CEP162: variants seen among roughly 807,000 people sequenced by gnomAD.
The protein encoded by CEP162 is centrosomal protein 162.
CEP162 carries 141 observed loss-of-function variants against 169.2 expected under a neutral mutation model. The observed-to-expected ratio is 0.83, with a 90% CI of 0.73 to 0.96. The LOEUF (loss-of-function observed/expected upper bound fraction) is 0.96. Ranked by LOEUF, CEP162 falls within the 40% of genes least tolerant of loss-of-function variation. CEP162 has a pLI of 0.00. For synonymous variants in CEP162, 540 were observed against 526.4 expected, an observed-to-expected ratio of 1.03 and a Z score of -0.35; for missense variants, 1,600 against 1,587.2, an observed-to-expected ratio of 1.01 and a Z score of -0.14.
chr6:84,145,242 T>A (rs2099518321), intron 25 of CEP162, among the ~76,000 whole-genome samples: 1 of 152,126 alleles, frequency 6.6e-6, no homozygotes, highest in African/African-American at 2.4e-5. Flanking sequence ...TACCTGGATC[T>A]ATTGGTATTG....
chr6:84,210,095 C>T lies in CEP162; in HGVS notation c.571+2862G>A, dbSNP rs538193249. ...AATATCTAGACTCTTCCACATTGTT[C>T]GGAAAACAATCAGAATATTTACTTG... On this transcript the variant is annotated intron_variant, in intron 6 of 26. Coordinates refer to ENST00000403245, the MANE Select transcript of CEP162 (RefSeq NM_014895.4). Among the ~76,000 whole-genome samples, 24 of 152,262 alleles carry T rather than the reference C, an allele frequency of 1.6e-4. No individual in the cohort carries two copies. The South Asian group carries it at 4.6e-3, about 29-fold the overall frequency.
intron 25 of CEP162, among the ~76,000 whole-genome samples, chr6:84,140,004 A>G (rs940915617): frequency 6.7e-6 from 1 of 150,264 alleles, no homozygotes; most frequent in East Asian, 1.9e-4. Flanking sequence ...CCCAGTAAGA[A>G]AAAGAAAGGA....
chr6:84,158,914 A>G (rs1249358711), intron 21 of CEP162, among the ~76,000 whole-genome samples: 1 of 151,770 alleles, frequency 6.6e-6, no homozygotes, highest in African/African-American at 2.4e-5. Context: ...TCTGGTATAC[A>G]AAGTAAATTT....
chr6:84,160,767 A>G (rs775083992), intron 21 of CEP162, 45 bp downstream of exon 21: 3 of 1,193,886 alleles, frequency 2.5e-6, no homozygotes, highest in Non-Finnish European at 2.5e-6. Flanking sequence ...ACCAAAATGC[A>G]CTATATATAA....
At position 84,185,367 on chromosome 6, in the gene CEP162, G is replaced by A; in HGVS notation, c.1483C>T (p.Pro495Ser). 1 of 1,613,436 alleles carries A rather than the reference G, an allele frequency of 6.2e-7. No individual in the cohort carries two copies. The highest frequency in any genetic ancestry group is 1.1e-5 in the South Asian group (1 of 91,062). Residue 495 changes from proline (P) to serine (S), a missense_variant, in exon 13 of 27, where the codon CCT becomes TCT. Physicochemically the swap from Pro to Ser is moderately conservative, Grantham distance 74. Transcript: ENST00000403245. ...TGGGGTTTCCTTTTAAGTAAAGGAG[G>A]TGCACTTCTGGCCTTCTTGTATGGT... Reference protein sequence around the residue: ...QVPYKKARSAPPLLKRKPQSG... With the variant: ...QVPYKKARSASPLLKRKPQSG...
At chr6:84,158,741 TA>T (rs1000228453) in intron 21 of CEP162, among the ~76,000 whole-genome samples, 4 of 152,158 alleles carry the variant, frequency 2.6e-5, no homozygotes, top group African/African-American at 9.6e-5. Context: ...CTAGGTTTTA[TA>T]AATGTAACAT....
At chr6:84,213,569 A>C (rs894865536) in intron 5 of CEP162, among the ~76,000 whole-genome samples, 3 of 152,208 alleles carry the variant, frequency 2.0e-5, no homozygotes, top group African/African-American at 7.2e-5. Context: ...TCTCAAACCA[A>C]GAATCAGTTC....
At chr6:84,162,606 T>C (rs2099526243) in intron 19 of CEP162, among the ~76,000 whole-genome samples, 1 of 152,160 alleles carries the variant, frequency 6.6e-6, no homozygotes, top group Admixed American at 6.6e-5. Flanking sequence ...TTTTACTACC[T>C]GTCAAGGCCC....
At chr6:84,177,099 A>G (rs923508620) in intron 13 of CEP162, among the ~76,000 whole-genome samples, 5 of 152,182 alleles carry the variant, frequency 3.3e-5, no homozygotes, top group East Asian at 1.9e-4. Context: ...AGACATCTCA[A>G]TTCAGACTAG....
chr6:84,149,321 TTATTTA>T (rs2099520251), intron 24 of CEP162, among the ~76,000 whole-genome samples: 1 of 151,764 alleles, frequency 6.6e-6, no homozygotes, highest in Admixed American at 6.6e-5. Context: ...GTAAAAATAT[TTATTTA>T]TATGGTGTAG....
At chr6:84,133,178 T>C (rs781609901) in intron 25 of CEP162, among the ~76,000 whole-genome samples, 2 of 152,136 alleles carry the variant, frequency 1.3e-5, no homozygotes, top group African/African-American at 2.4e-5. Context: ...GAACAGCAAA[T>C]ATTGCAGAAC....
intron 5 of CEP162, among the ~76,000 whole-genome samples, chr6:84,214,172 G>A (rs1221273515): frequency 1.3e-5 from 2 of 152,128 alleles, no homozygotes; most frequent in Non-Finnish European, 2.9e-5. Flanking sequence ...CCAGCTACTC[G>A]GGAGGCTGAG....
intron 24 of CEP162, 74 bp downstream of exon 24, chr6:84,149,488 A>C (rs912653002): frequency 2.6e-6 from 3 of 1,169,796 alleles, no homozygotes; most frequent in Admixed American, 2.9e-5. Flanking sequence ...CAAATAAAAC[A>C]ATGTTAACTT....
At chr6:84,221,206 C>T (rs1466174182) in intron 2 of CEP162, 35 bp from the exon 3 acceptor site, 3 of 1,028,204 alleles carry the variant, frequency 2.9e-6, no homozygotes, top group East Asian at 2.4e-5. Flanking sequence ...TTTGAAAATA[C>T]AGTGTAAATT....
At chr6:84,167,588 G>A (rs531918986) in intron 18 of CEP162, among the ~76,000 whole-genome samples, 177 of 152,180 alleles carry the variant, frequency 1.2e-3, no homozygotes, top group South Asian at 1.9e-3. Flanking sequence ...TGTTGCTTGG[G>A]TTCAAGGGTG....
At chr6:84,159,787 G>A (rs892446624) in intron 21 of CEP162, among the ~76,000 whole-genome samples, 20 of 150,714 alleles carry the variant, frequency 1.3e-4, no homozygotes, top group African/African-American at 4.9e-4. Flanking sequence ...TCACCATGTT[G>A]GCCACCCTGG....
In CEP162 at chr6:84,141,675, C is replaced by T. The variant is rs552490476; in HGVS notation, c.3870+5012G>A. Among the ~76,000 whole-genome samples, 6 of 152,264 alleles carry T rather than the reference C, an allele frequency of 3.9e-5. 1 individual carries two copies. The highest frequency in any genetic ancestry group is 6.8e-3 in the Middle Eastern group (2 of 294). ...AGTACTCCAGCCTGATATCCAGGGC[C>T]GGGGTGTATAGGTTACTTGTGTAAA... On this transcript the variant is annotated intron_variant, in intron 25 of 26. Transcript: ENST00000403245.
At chr6:84,166,070 A>G (rs556596515) in intron 18 of CEP162, among the ~76,000 whole-genome samples, 2 of 152,350 alleles carry the variant, frequency 1.3e-5, no homozygotes, top group East Asian at 3.9e-4. Flanking sequence ...CATGCCATCA[A>G]TCAATGGAAG....
intron 11 of CEP162, among the ~76,000 whole-genome samples, chr6:84,189,499 GA>G (rs2099538794): frequency 6.6e-6 from 1 of 152,210 alleles, no homozygotes; most frequent in Admixed American, 6.5e-5. Context: ...GGCAATGGGG[GA>G]CTTAGCACCC....
Sources: gnomAD v4.1 joint callset for allele counts (sites outside exome capture counted in the v4.1 genomes callset) on GRCh38, gnomAD v4.1.1 for gene constraint, MANE v1.5 for transcripts, NCBI Gene and HGNC (gene_info 2026-07-23, HGNC 2026-07-21) for gene names.